The following SEMA6D variants were observed in gnomAD, a reference collection of about 807,000 sequenced individuals.
SEMA6D encodes the protein semaphorin 6D.
SEMA6D carries 35 observed loss-of-function variants against 106.6 expected under a neutral mutation model. That is an observed-to-expected ratio of 0.33 (90% CI 0.25 to 0.44). The LOEUF (loss-of-function observed/expected upper bound fraction) is 0.44, where lower values mean the gene tolerates loss of function less well. SEMA6D is among the 20% of genes least tolerant of loss of function. The pLI is 1.00. For missense variants in SEMA6D, 1,185 were observed against 1,345.9 expected, an observed-to-expected ratio of 0.88 and a Z score of 1.87; for synonymous variants, 499 against 487.7, an observed-to-expected ratio of 1.02 and a Z score of -0.31.
At chr15:47,617,592 T>C (rs892933335) in intron 4 of SEMA6D, among the ~76,000 whole-genome samples, 1 of 152,200 alleles carries the variant, frequency 6.6e-6, no homozygotes, top group Non-Finnish European at 1.5e-5. Context: ...CTTTAGAACA[T>C]ACAGGAATGT....
At chr15:47,471,801 C>A (rs959552373) in intron 3 of SEMA6D, among the ~76,000 whole-genome samples, 1 of 151,958 alleles carries the variant, frequency 6.6e-6, no homozygotes, top group East Asian at 1.9e-4. Flanking sequence ...AAGAAAATGC[C>A]GGTAGTAACA....
intron 4 of SEMA6D, among the ~76,000 whole-genome samples, chr15:47,653,740 A>G (rs1195421635): frequency 6.6e-6 from 1 of 152,266 alleles, no homozygotes; most frequent in Non-Finnish European, 1.5e-5. Context: ...GTAAAAATGT[A>G]TCTTATATTT....
At chr15:47,461,756 G>A (rs1435942177) in intron 2 of SEMA6D, among the ~76,000 whole-genome samples, 3 of 152,020 alleles carry the variant, frequency 2.0e-5, no homozygotes, top group Non-Finnish European at 4.4e-5. Flanking sequence ...TGAGCTAAGA[G>A]CAATACAAAC....
chr15:47,718,611 C>G (rs1596742970), intron 1 of SEMA6D: 2 of 152,506 alleles, frequency 1.3e-5, no homozygotes, highest in East Asian at 1.9e-4. Flanking sequence ...TCCTCCCGGC[C>G]GCTCTACCCA....
At chr15:47,309,601 T>C (rs549137460) in intron 1 of SEMA6D, among the ~76,000 whole-genome samples, 1 of 152,258 alleles carries the variant, frequency 6.6e-6, no homozygotes, top group South Asian at 2.1e-4. Context: ...TGTTTTACTA[T>C]CCATGGTTTT....
rs369343673 is a variant in SEMA6D at position 47,772,391 on chromosome 15, T to TG, written c.*606_*607insG. 87 of 152,444 alleles carry TG rather than the reference T, an allele frequency of 5.7e-4. No individual in the cohort carries two copies. The highest frequency in any genetic ancestry group is 1.4e-3 in the African/African-American group (57 of 41,090). 9.4% of individuals were successfully genotyped at this position (152,444 alleles called of 1,614,324 possible). A position where few individuals can be genotyped will look rare whatever the true frequency, so the allele number is the denominator to read the frequency against. ...GTGTGTGTGTGTGTGTGTGTGTGTGTTCTGTACCCACTAGGATTTGTTTAG... is the reference window on the plus strand; with the variant it reads ...GTGTGTGTGTGTGTGTGTGTGTGTGTGTCTGTACCCACTAGGATTTGTTTAG... On this transcript the variant is annotated 3_prime_UTR_variant, in exon 19 of 19. Coordinates refer to ENST00000536845, the MANE Select transcript of SEMA6D (RefSeq NM_001358351.3).
At chr15:47,369,949 A>T (rs1884945320) in intron 1 of SEMA6D, among the ~76,000 whole-genome samples, 1 of 152,254 alleles carries the variant, frequency 6.6e-6, no homozygotes, top group Non-Finnish European at 1.5e-5. Flanking sequence ...CAGCTCTGTG[A>T]AAGAGATGCT....
At chr15:47,315,205 T>C (rs1262699609) in intron 1 of SEMA6D, among the ~76,000 whole-genome samples, 1 of 152,204 alleles carries the variant, frequency 6.6e-6, no homozygotes, top group Non-Finnish European at 1.5e-5. Flanking sequence ...AGTTTTATAA[T>C]TTTACATTTT....
chr15:47,210,738 C>T (rs1378710822), intron 1 of SEMA6D, among the ~76,000 whole-genome samples: 2 of 127,652 alleles, frequency 1.6e-5, no homozygotes, highest in African/African-American at 6.1e-5. Context: ...GCAGTCCAGC[C>T]TGGGCGACAG....
At chr15:47,437,473 T>A (rs1376023386) in intron 2 of SEMA6D, among the ~76,000 whole-genome samples, 1 of 152,088 alleles carries the variant, frequency 6.6e-6, no homozygotes, top group South Asian at 2.1e-4. Flanking sequence ...GAAAATAAAT[T>A]GTGTAAATTT....
At chr15:47,664,247 C>T (rs1025766164) in intron 4 of SEMA6D, among the ~76,000 whole-genome samples, 1 of 152,090 alleles carries the variant, frequency 6.6e-6, no homozygotes, top group East Asian at 1.9e-4. Context: ...AGGTGCCTAT[C>T]TTATGCTTTA....
chr15:47,623,260 G>A (rs1299277072), intron 4 of SEMA6D, among the ~76,000 whole-genome samples: 1 of 152,076 alleles, frequency 6.6e-6, no homozygotes, highest in Non-Finnish European at 1.5e-5. Flanking sequence ...GTGTTAGCTG[G>A]GTCTTCTGTT....
intron 9 of SEMA6D, among the ~76,000 whole-genome samples, chr15:47,763,429 G>C (rs1314862709): frequency 2.0e-5 from 3 of 152,088 alleles, no homozygotes; most frequent in African/African-American, 7.2e-5. Flanking sequence ...TTCTTTCTCA[G>C]CGTCAAAAGA....
chr15:47,390,193 T>C (rs908144262), intron 1 of SEMA6D, among the ~76,000 whole-genome samples: 1 of 152,174 alleles, frequency 6.6e-6, no homozygotes, highest in Non-Finnish European at 1.5e-5. Context: ...GTTGGATCCA[T>C]GTCTGCTACA....
chr15:47,372,424 C>G (rs1957562426), intron 1 of SEMA6D, among the ~76,000 whole-genome samples: 1 of 152,194 alleles, frequency 6.6e-6, no homozygotes, highest in Admixed American at 6.5e-5. Context: ...TTTTTACTTG[C>G]AAAGGTAGAA....
intron 1 of SEMA6D, among the ~76,000 whole-genome samples, chr15:47,231,874 T>G (rs2032219623): frequency 6.6e-6 from 1 of 152,052 alleles, no homozygotes; most frequent in South Asian, 2.1e-4. Flanking sequence ...TTTATCATTT[T>G]AAGAATTTTA....
intron 3 of SEMA6D, among the ~76,000 whole-genome samples, chr15:47,518,400 G>A (rs2044458346): frequency 6.6e-6 from 1 of 152,198 alleles, no homozygotes; most frequent in African/African-American, 2.4e-5. Context: ...AAATTGAACA[G>A]TGATGCATCA....
intron 3 of SEMA6D, among the ~76,000 whole-genome samples, chr15:47,524,130 T>C (rs533643352): frequency 5.9e-5 from 9 of 152,322 alleles, no homozygotes; most frequent in Admixed American, 4.6e-4. Flanking sequence ...ACAAACTGGC[T>C]TCAGTGTATA....
In SEMA6D at chr15:47,239,434, G is replaced by A. The variant is rs539640858; in HGVS notation, c.-239+55016G>A. Reference sequence around the variant, plus strand: ...ATCCCACAATTTTTTCATGGTCTGTGGAAAAATTGTCTTCTACGAAACCAG... The same window carrying A: ...ATCCCACAATTTTTTCATGGTCTGTAGAAAAATTGTCTTCTACGAAACCAG... On this transcript the variant is annotated intron_variant, in intron 1 of 19. Transcript: ENST00000558014. Among the ~76,000 whole-genome samples the A allele has an allele frequency of 2.0e-5, 3 of 152,250 alleles. No individual in the cohort carries two copies. In the East Asian group the frequency reaches 5.8e-4, roughly 29 times the overall value.
Sources: gnomAD v4.1 joint callset for allele counts (sites outside exome capture counted in the v4.1 genomes callset) on GRCh38, gnomAD v4.1.1 for gene constraint, MANE v1.5 for transcripts, NCBI Gene and HGNC (gene_info 2026-07-23, HGNC 2026-07-21) for gene names.